Variants in GABRG3 observed in about 807,000 individuals in gnomAD.
GABRG3 encodes the protein gamma-aminobutyric acid receptor subunit gamma-3.
A neutral mutation model predicts 48.8 loss-of-function variants in GABRG3; 25 were observed. The ratio of observed to expected loss-of-function variants is 0.51; its 90% CI spans 0.37 to 0.72. The LOEUF (loss-of-function observed/expected upper bound fraction) is 0.72, where lower values mean the gene tolerates loss of function less well. Ranked by LOEUF, GABRG3 falls within the 30% of genes least tolerant of loss-of-function variation. The pLI is 0.00. For missense variants in GABRG3, 394 were observed against 577.9 expected, an observed-to-expected ratio of 0.68 and a Z score of 3.26; for synonymous variants, 227 against 217.6, an observed-to-expected ratio of 1.04 and a Z score of -0.38.
intron 3 of GABRG3, among the ~76,000 whole-genome samples, chr15:27,158,851 C>G (rs1898502087): frequency 6.6e-6 from 1 of 152,108 alleles, no homozygotes; most frequent in African/African-American, 2.4e-5. Flanking sequence ...AAATTACCAC[C>G]TGAATATTTA....
At chr15:27,239,052 T>C (rs927035724) in intron 3 of GABRG3, among the ~76,000 whole-genome samples, 1 of 152,182 alleles carries the variant, frequency 6.6e-6, no homozygotes, top group African/African-American at 2.4e-5. Flanking sequence ...ACGCTTGCCA[T>C]AGTAAACTAG....
At chr15:27,516,171 T>A (rs1891014556) in intron 6 of GABRG3, among the ~76,000 whole-genome samples, 1 of 151,446 alleles carries the variant, frequency 6.6e-6, no homozygotes, top group Admixed American at 6.6e-5. Context: ...ATCTACCTAC[T>A]GATTCATTAA....
intron 2 of GABRG3, among the ~76,000 whole-genome samples, chr15:27,022,336 C>T (rs1352649200): frequency 1.3e-5 from 2 of 152,192 alleles, no homozygotes; most frequent in East Asian, 3.9e-4. Flanking sequence ...GGAATTAACC[C>T]CATTTTAGAA....
intron 3 of GABRG3, among the ~76,000 whole-genome samples, chr15:27,285,066 A>C (rs7180755): frequency 0.12 from 17,999 of 152,138 alleles, 2,724 homozygotes; most frequent in African/African-American, 0.35. Context: ...GAGCCTAAGA[A>C]CTATGGGTCG....
intron 3 of GABRG3, among the ~76,000 whole-genome samples, chr15:27,196,676 C>A (rs190697084): frequency 2.0e-4 from 30 of 152,310 alleles, no homozygotes. Flanking sequence ...TAATAGACAA[C>A]ATTTAATTAA....
intron 5 of GABRG3, among the ~76,000 whole-genome samples, chr15:27,406,204 G>A (rs1483334188): frequency 2.7e-5 from 4 of 149,540 alleles, no homozygotes; most frequent in Non-Finnish European, 1.5e-5. Flanking sequence ...TATAATGATT[G>A]AACATATAAA....
intron 3 of GABRG3, among the ~76,000 whole-genome samples, chr15:27,163,276 G>T (rs1887258806): frequency 6.6e-6 from 1 of 152,090 alleles, no homozygotes; most frequent in Admixed American, 6.5e-5. Context: ...AAGGAGGGAG[G>T]ATTTCTTGAG....
intron 3 of GABRG3, among the ~76,000 whole-genome samples, chr15:27,303,765 TAC>T (rs575790430): frequency 1.3e-5 from 2 of 151,236 alleles, no homozygotes; most frequent in Non-Finnish European, 1.5e-5. Context: ...TATATATATA[TAC>T]ACACACATCT....
At chr15:27,453,715 C>T (rs1242437012) in intron 5 of GABRG3, among the ~76,000 whole-genome samples, 1 of 152,178 alleles carries the variant, frequency 6.6e-6, no homozygotes, top group Non-Finnish European at 1.5e-5. Context: ...AATTCTCCTG[C>T]TTCAGCCTCC....
At chr15:27,193,277 G>T (rs1243561200) in intron 3 of GABRG3, among the ~76,000 whole-genome samples, 1 of 152,132 alleles carries the variant, frequency 6.6e-6, no homozygotes, top group African/African-American at 2.4e-5. Context: ...TAAGTCTGCA[G>T]AGGTTACTGC....
At chr15:27,062,434 TAAAAA>T (rs57903886) in intron 3 of GABRG3, among the ~76,000 whole-genome samples, 23 of 32,866 alleles carry the variant, frequency 7.0e-4, no homozygotes, top group South Asian at 6.5e-3. Context: ...CCATCTCTAC[TAAAAA>T]AAAAAAAAAA....
intron 3 of GABRG3, among the ~76,000 whole-genome samples, chr15:27,254,228 T>G (rs1397269965): frequency 4.6e-5 from 7 of 152,026 alleles, no homozygotes; most frequent in African/African-American, 1.7e-4. Context: ...CAGGTGGGGA[T>G]GCAGGCTGGG....
At chr15:27,519,876 C>T in intron 6 of GABRG3, 96 bp from the exon 7 acceptor site, 3 of 863,512 alleles carry the variant, frequency 3.5e-6, no homozygotes, top group East Asian at 2.7e-5. Context: ...CATTTTTATC[C>T]AAGTCATTCA....
chr15:27,346,735 C>G (rs1894387995), intron 5 of GABRG3, among the ~76,000 whole-genome samples: 1 of 152,094 alleles, frequency 6.6e-6, no homozygotes, highest in Non-Finnish European at 1.5e-5. Flanking sequence ...ACCCCTCCTG[C>G]TCAAGGACAT....
At chr15:27,163,047 C>T (rs760079965) in intron 3 of GABRG3, among the ~76,000 whole-genome samples, 1 of 151,968 alleles carries the variant, frequency 6.6e-6, no homozygotes, top group African/African-American at 2.4e-5. Context: ...TTCTTGCCCT[C>T]GCCAGTCTCA....
At chr15:27,042,576 C>T (rs1467174413) in intron 3 of GABRG3, among the ~76,000 whole-genome samples, 2 of 152,242 alleles carry the variant, frequency 1.3e-5, no homozygotes, top group Non-Finnish European at 2.9e-5. Context: ...CCTCCCCTGC[C>T]CTCCACCATG....
At chr15:26,971,652 C>T (rs929453157) in intron 1 of GABRG3, 64 bp downstream of exon 1, 9 of 1,495,270 alleles carry the variant, frequency 6.0e-6, no homozygotes, top group African/African-American at 1.5e-5. Flanking sequence ...GCGGGGGGCG[C>T]TGTCTGCTGG....
chr15:27,197,747 T>C (rs1022091070), intron 3 of GABRG3, among the ~76,000 whole-genome samples: 1 of 152,180 alleles, frequency 6.6e-6, no homozygotes, highest in Non-Finnish European at 1.5e-5. Flanking sequence ...CTGGGCTTTT[T>C]TTGGTTGGTA....
intron 3 of GABRG3, among the ~76,000 whole-genome samples, chr15:27,169,019 G>A (rs1413289266): frequency 1.3e-5 from 2 of 152,312 alleles, no homozygotes; most frequent in African/African-American, 4.8e-5. Context: ...AGATAGCTGA[G>A]CACACAATAG....
Sources: gnomAD v4.1 joint callset for allele counts (sites outside exome capture counted in the v4.1 genomes callset) on GRCh38, gnomAD v4.1.1 for gene constraint, MANE v1.5 for transcripts, NCBI Gene and HGNC (gene_info 2026-07-23, HGNC 2026-07-21) for gene names.